Variants in TSPAN7 observed in about 807,000 individuals in gnomAD.
TSPAN7 encodes tetraspanin-7.
In TSPAN7, 1 loss-of-function variant was observed where a neutral mutation model predicts 17.6. The observed-to-expected ratio is 0.06, with a 90% CI of 0.02 to 0.27. TSPAN7 has a LOEUF of 0.27. Among genes scored for constraint, TSPAN7 ranks in the 10% least tolerant of loss-of-function variants. The pLI is 1.00. For missense variants in TSPAN7, 112 were observed against 201.7 expected (o/e 0.56, Z 2.69); for synonymous variants, 78 against 79.0 (o/e 0.99, Z 0.07).
rs182685394 is a variant in TSPAN7, at chrX:38,563,228, C to A, written c.81+1601C>A. 9 of 738,845 alleles carry A rather than the reference C, an allele frequency of 1.2e-5. No individual in the cohort carries two copies. In the East Asian group the frequency reaches 2.5e-4, roughly 20 times the overall value. The allele number at this position is 738,845 out of a possible 1,213,427, so 60.9% of individuals were successfully genotyped here. A position where few individuals can be genotyped will look rare whatever the true frequency, so the allele number is the denominator to read the frequency against. On this transcript the variant is annotated intron_variant, in intron 1 of 7. Transcript: ENST00000378482. The stretch of plus-strand genomic sequence containing the variant: ...ATATTGCACAAGGCAAACACAGAAA[C>A]GGACTTTATTTGGACTGACAACGAC...
intron 5 of TSPAN7, among the ~76,000 whole-genome samples, chrX:38,680,020 G>T (rs1025019195): frequency 4.5e-5 from 5 of 111,432 alleles, no homozygotes; most frequent in Admixed American, 3.8e-4. Flanking sequence ...AAACAACTAT[G>T]GGTACTAGCC....
chrX:38,628,799 A>C (rs1403760685), intron 1 of TSPAN7, among the ~76,000 whole-genome samples: 1 of 111,830 alleles, frequency 8.9e-6, no homozygotes, highest in African/African-American at 3.3e-5. Flanking sequence ...TGATGACATC[A>C]TCATTAAAAG....
chrX:38,591,079 A>G (rs1010248701), intron 1 of TSPAN7, among the ~76,000 whole-genome samples: 2 of 110,004 alleles, frequency 1.8e-5, no homozygotes, highest in Non-Finnish European at 3.8e-5. Flanking sequence ...CTTTGGAATC[A>G]GTTTTCTCTT....
At chrX:38,624,852 G>T (rs1023830254) in intron 1 of TSPAN7, among the ~76,000 whole-genome samples, 1 of 112,497 alleles carries the variant, frequency 8.9e-6, no homozygotes, top group African/African-American at 3.2e-5. Context: ...TAGTTGGTTT[G>T]GGGTGTGTCC....
chrX:38,671,362 T>G lies in TSPAN7; in HGVS notation c.271-14T>G. The G allele has an allele frequency of 8.3e-7, 1 of 1,209,502 alleles. No individual in the cohort carries two copies. The highest frequency in any genetic ancestry group is 1.1e-6 in the Non-Finnish European group (1 of 893,309). On this transcript the variant is annotated splice_polypyrimidine_tract_variant and intron_variant, in intron 2 of 7. Transcript: ENST00000378482. Reference sequence around the variant, plus strand: ...TGATGTATCTGACTTTGTCTTTGTGTGCTTAATTTTCAGTATGCCATGTTT... The same window carrying G: ...TGATGTATCTGACTTTGTCTTTGTGGGCTTAATTTTCAGTATGCCATGTTT...
At chrX:38,677,571 G>C (rs1457952406) in intron 5 of TSPAN7, among the ~76,000 whole-genome samples, 2 of 111,618 alleles carry the variant, frequency 1.8e-5, no homozygotes, top group African/African-American at 6.5e-5. Flanking sequence ...CCTACACATT[G>C]ACCTCACTTT....
chrX:38,666,744 G>A (rs1018720124), intron 2 of TSPAN7, among the ~76,000 whole-genome samples: 2 of 109,909 alleles, frequency 1.8e-5, no homozygotes, highest in East Asian at 2.9e-4. Flanking sequence ...GACTACAGGC[G>A]CCCGCCACCA....
At chrX:38,678,176 C>A (rs1291137675) in intron 5 of TSPAN7, among the ~76,000 whole-genome samples, 2 of 112,163 alleles carry the variant, frequency 1.8e-5, no homozygotes, top group Non-Finnish European at 3.8e-5. Context: ...AATGTCTGCA[C>A]GTTCAGTTGG....
chrX:38,583,025 T>A (rs1482903176), intron 1 of TSPAN7, among the ~76,000 whole-genome samples: 7 of 112,235 alleles, frequency 6.2e-5, no homozygotes, highest in Non-Finnish European at 1.3e-4. Context: ...TTTTCCTACC[T>A]CTAGCCTCAT....
chrX:38,595,076 A>G (rs989554818), intron 1 of TSPAN7, among the ~76,000 whole-genome samples: 7 of 111,364 alleles, frequency 6.3e-5, no homozygotes, highest in African/African-American at 2.0e-4. Context: ...ACTATTTTTA[A>G]CGAATAATCT....
At chrX:38,665,958 T>C in intron 1 of TSPAN7, 163 bp from the exon 2 acceptor site, 1 of 485,793 alleles carries the variant, frequency 2.1e-6, no homozygotes, top group Non-Finnish European at 3.6e-6. Flanking sequence ...GTCTTTATGA[T>C]GATTTTAGTT....
At chrX:38,611,762 C>G (rs752113825) in intron 1 of TSPAN7, among the ~76,000 whole-genome samples, 2 of 111,153 alleles carry the variant, frequency 1.8e-5, no homozygotes, top group Non-Finnish European at 3.8e-5. Flanking sequence ...ATTGTAAATA[C>G]AAAAGAATGT....
chrX:38,653,828 C>T (rs1468795087), intron 1 of TSPAN7, among the ~76,000 whole-genome samples: 1 of 112,259 alleles, frequency 8.9e-6, no homozygotes, highest in Non-Finnish European at 1.9e-5. Context: ...AGGTTTGTTA[C>T]ATATGTATAC....
chrX:38,594,248 T>C (rs1015772085), intron 1 of TSPAN7, among the ~76,000 whole-genome samples: 1 of 111,600 alleles, frequency 9.0e-6, no homozygotes, highest in Non-Finnish European at 1.9e-5. Context: ...CCAGTCATGA[T>C]GCTGTTTTAT....
chrX:38,575,609 A>G lies in TSPAN7; in HGVS notation c.81+13982A>G, dbSNP rs1569301768. 3.6e-5 allele frequency among the ~76,000 whole-genome samples: 4 copies of G among 112,054 alleles called. No individual in the cohort carries two copies. In the South Asian group the frequency reaches 1.5e-3, roughly 41 times the overall value. ...CACTTAGATGATATGAAAACTTCCA[A>G]TTAGTTTAAATGCTCAAATATAAAA... On this transcript the variant is annotated intron_variant, in intron 1 of 7. Coordinates refer to ENST00000378482, the MANE Select transcript of TSPAN7 (RefSeq NM_004615.4).
At chrX:38,563,764 A>T (rs5963513) in intron 1 of TSPAN7, among the ~76,000 whole-genome samples, 27,955 of 110,735 alleles carry the variant, frequency 0.25, 4,962 homozygotes, top group African/African-American at 0.64. Context: ...CTTAAATGTT[A>T]ACCTGGAACA....
At chrX:38,596,042 G>A (rs760782690) in intron 1 of TSPAN7, among the ~76,000 whole-genome samples, 5 of 111,830 alleles carry the variant, frequency 4.5e-5, no homozygotes, top group Non-Finnish European at 7.5e-5. Flanking sequence ...ATGACAGGTT[G>A]TGTGATCTGT....
At chrX:38,628,589 C>A (rs897802731) in intron 1 of TSPAN7, among the ~76,000 whole-genome samples, 3 of 111,345 alleles carry the variant, frequency 2.7e-5, no homozygotes, top group Non-Finnish European at 5.7e-5. Flanking sequence ...CCTTATTCTT[C>A]TGTTTCATCT....
intron 1 of TSPAN7, among the ~76,000 whole-genome samples, chrX:38,591,115 G>C (rs2069288785): frequency 9.0e-6 from 1 of 110,724 alleles, no homozygotes; most frequent in Admixed American, 9.6e-5. Flanking sequence ...GAAGGTAGAA[G>C]CTGAAGTCAT....
Sources: allele counts gnomAD v4.1 joint callset (sites outside exome capture counted in the v4.1 genomes callset), GRCh38; gene constraint gnomAD v4.1.1; transcripts MANE v1.5; gene names NCBI Gene and HGNC (gene_info 2026-07-23, HGNC 2026-07-21).